The following DPP6 variants were observed in gnomAD, a reference collection of about 807,000 sequenced individuals.
DPP6 encodes the protein A-type potassium channel modulatory protein DPP6.
A neutral mutation model predicts 122.6 loss-of-function variants in DPP6; 69 were observed. The observed-to-expected ratio is 0.56, with a 90% CI of 0.46 to 0.69. DPP6 has a LOEUF of 0.69. Among genes scored for constraint, DPP6 ranks in the 30% least tolerant of loss-of-function variants. The probability of loss-of-function intolerance (pLI) is 0.00; values close to 1 mark genes in which losing one functional copy is unlikely to be tolerated. For synonymous variants in DPP6, 418 were observed against 433.1 expected (o/e 0.97, Z 0.43); for missense variants, 928 against 1,116.9 (o/e 0.83, Z 2.41).
intron 1 of DPP6, among the ~76,000 whole-genome samples, chr7:154,316,828 C>A (rs1585916364): frequency 6.6e-6 from 1 of 152,048 alleles, no homozygotes; most frequent in Middle Eastern, 3.4e-3. Context: ...AGAATGGGGG[C>A]AATGGGGGGA....
At chr7:153,859,590 C>A in the DPP6 span, among the ~76,000 whole-genome samples, 1 of 152,160 alleles carries the variant, frequency 6.6e-6, no homozygotes, top group East Asian at 1.9e-4. Context: ...GGGCATCATC[C>A]TGTTTACTGC....
chr7:154,803,991 G>A lies in DPP6; in HGVS notation c.1499+36G>A, dbSNP rs1364756445. 7 of 1,603,758 alleles carry A rather than the reference G, an allele frequency of 4.4e-6. No individual in the cohort carries two copies. The South Asian group carries it at 6.7e-5, about 15-fold the overall frequency. On this transcript the variant is annotated intron_variant, in intron 14 of 25. Coordinates refer to ENST00000377770, the MANE Select transcript of DPP6 (RefSeq NM_130797.4). Reference sequence around the variant, plus strand: ...ACCAGGGGCCTGCCCCATCTTACTGGCCAATGGGGCACATTTGTTATTTTT... The same window carrying A: ...ACCAGGGGCCTGCCCCATCTTACTGACCAATGGGGCACATTTGTTATTTTT...
intron 3 of DPP6, among the ~76,000 whole-genome samples, chr7:154,536,050 T>C (rs906411947): frequency 4.6e-5 from 7 of 152,216 alleles, no homozygotes; most frequent in Non-Finnish European, 1.0e-4. Flanking sequence ...TTGTCACTAA[T>C]GCATGAATTT....
chr7:153,944,408 C>T (rs898695836), intron 1 of DPP6, among the ~76,000 whole-genome samples: 6 of 152,094 alleles, frequency 3.9e-5, no homozygotes, highest in Non-Finnish European at 8.8e-5. Flanking sequence ...GATGTTGCAG[C>T]GGTGTTCTGG....
At chr7:154,050,293 A>G (rs1423588939), upstream of DPP6, among the ~76,000 whole-genome samples, 1 of 152,244 alleles carries the variant, frequency 6.6e-6, no homozygotes, top group Non-Finnish European at 1.5e-5. Context: ...CCTTGAGAAT[A>G]TAGTTTTTAA....
At chr7:154,015,904 T>C (rs1798382757) in intron 1 of DPP6, among the ~76,000 whole-genome samples, 1 of 152,144 alleles carries the variant, frequency 6.6e-6, no homozygotes, top group Non-Finnish European at 1.5e-5. Context: ...GTACCTGGCC[T>C]CCTTTGCACA....
intron 1 of DPP6, among the ~76,000 whole-genome samples, chr7:154,120,407 G>T (rs1807361428): frequency 6.6e-6 from 1 of 152,002 alleles, no homozygotes. Context: ...ACCATGCCCA[G>T]CTAATTTTTT....
chr7:154,652,608 G>A (rs994144067), intron 6 of DPP6, among the ~76,000 whole-genome samples: 16 of 152,064 alleles, frequency 1.1e-4, no homozygotes, highest in African/African-American at 3.4e-4. Flanking sequence ...TATGTTGTCA[G>A]GTCCTCAGGC....
intron 5 of DPP6, among the ~76,000 whole-genome samples, chr7:154,631,409 T>C (rs1218375110): frequency 6.6e-6 from 1 of 152,202 alleles, no homozygotes; most frequent in Non-Finnish European, 1.5e-5. Flanking sequence ...CTGGGAGAAC[T>C]CATTTTGAGA....
chr7:153,992,812 G>A (rs182938271), intron 1 of DPP6, among the ~76,000 whole-genome samples: 1 of 152,178 alleles, frequency 6.6e-6, no homozygotes, highest in Non-Finnish European at 1.5e-5. Flanking sequence ...TTGTTTCCTT[G>A]CTTCTGTAAG....
rs1045454490 is a variant in DPP6 at position 154,052,582 on chromosome 7, C to T, written c.-239C>T. ...GAAAGCACAGCCAGAGCCCCGGCTT[C>T]GCGAGCCGCCGGGGAGGGGGCGGAG... On this transcript the variant is annotated 5_prime_UTR_variant, in exon 1 of 26. Transcript: ENST00000377770. The surrounding 1 kb of genome is among the most constrained non-coding windows in gnomAD (Gnocchi z 4.8). 1.0e-5 allele frequency: 12 copies of T among 1,198,508 alleles called. No individual in the cohort carries two copies. The African/African-American group carries it at 1.6e-4, about 16-fold the overall frequency. 74.2% of individuals were successfully genotyped at this position (1,198,508 alleles called of 1,614,324 possible). A position where few individuals can be genotyped will look rare whatever the true frequency, so the allele number is the denominator to read the frequency against.
At chr7:154,185,523 G>A (rs916206562) in intron 1 of DPP6, among the ~76,000 whole-genome samples, 5 of 152,148 alleles carry the variant, frequency 3.3e-5, no homozygotes, top group Non-Finnish European at 7.3e-5. Context: ...TTGTAATGCA[G>A]GGCTGGAATA....
chr7:154,047,066 G>A (rs1273830850), intron 1 of DPP6, among the ~76,000 whole-genome samples: 1 of 148,086 alleles, frequency 6.8e-6, no homozygotes, highest in Non-Finnish European at 1.5e-5. Context: ...TGGTTTTGCT[G>A]TTGCTTTGAA....
chr7:154,612,805 T>G (rs1262537703), intron 5 of DPP6, among the ~76,000 whole-genome samples: 2 of 152,222 alleles, frequency 1.3e-5, no homozygotes, highest in African/African-American at 4.8e-5. Context: ...CAACATGTGG[T>G]GTTTTCATTA....
intron 14 of DPP6, among the ~76,000 whole-genome samples, chr7:154,804,307 C>G (rs1798562304): frequency 6.6e-6 from 1 of 152,198 alleles, no homozygotes; most frequent in Non-Finnish European, 1.5e-5. Context: ...ACAACAGTTC[C>G]ATGAGGTGAG....
chr7:153,769,069 T>C, the DPP6 span, among the ~76,000 whole-genome samples: 1 of 152,204 alleles, frequency 6.6e-6, no homozygotes, highest in Non-Finnish European at 1.5e-5. Flanking sequence ...CTAGAAATTA[T>C]GGCTCTGATT....
At chr7:154,223,170 A>G (rs10238169) in intron 1 of DPP6, among the ~76,000 whole-genome samples, 126,467 of 147,868 alleles carry the variant, frequency 0.86, 54,986 homozygotes, top group African/African-American at 0.9. Context: ...ATCACTGGAC[A>G]TAAAGATGGT....
intron 3 of DPP6, among the ~76,000 whole-genome samples, chr7:154,538,345 G>C (rs1828437245): frequency 6.6e-6 from 1 of 152,050 alleles, no homozygotes. Flanking sequence ...CCATCACCTA[G>C]GTATTAAGCC....
At chr7:154,410,975 G>A (rs1816546779) in intron 1 of DPP6, among the ~76,000 whole-genome samples, 1 of 152,172 alleles carries the variant, frequency 6.6e-6, no homozygotes, top group African/African-American at 2.4e-5. Flanking sequence ...GTATCTACAA[G>A]TAGGTTTGGG....
Sources: allele counts gnomAD v4.1 joint callset (sites outside exome capture counted in the v4.1 genomes callset), GRCh38; gene constraint gnomAD v4.1.1; non-coding constraint Gnocchi (gnomAD v3.1); transcripts MANE v1.5; gene names NCBI Gene and HGNC (gene_info 2026-07-23, HGNC 2026-07-21).